Variants in ZNF577 observed in about 807,000 individuals in gnomAD.
ZNF577 encodes zinc finger protein 577.
A neutral mutation model predicts 13.9 loss-of-function variants in ZNF577; 14 were observed. That is an observed-to-expected ratio of 1.00 (90% CI 0.66 to 1.57). The LOEUF (loss-of-function observed/expected upper bound fraction) is 1.57. Among genes scored for constraint, ZNF577 ranks in the 40% most tolerant of loss-of-function variants. ZNF577 has a pLI of 0.00. For synonymous variants in ZNF577, 203 were observed against 202.9 expected (o/e 1.00, Z 0.00); for missense variants, 555 against 579.2 (o/e 0.96, Z 0.43).
At chr19:51,826,628 G>A (rs1430798303) in intron 9 of ZNF577, among the ~76,000 whole-genome samples, 1 of 152,212 alleles carries the variant, frequency 6.6e-6, no homozygotes, top group African/African-American at 2.4e-5. Context: ...CCAGTTTACT[G>A]AGACTGTAGT....
rs1393588012 is a variant in ZNF577 at position 51,887,882 on chromosome 19, CT to C, written c.-1281del. ...TGGAGGCGAGTCAGGGACCCGAAGT[CT>C]CTAAACACTCGCCTCTACCCGCCGC... On this transcript the variant is annotated 5_prime_UTR_variant, in exon 1 of 6. Coordinates refer to ENST00000638348, the MANE Select transcript of ZNF577 (RefSeq NM_001370449.1). 3.9e-5 allele frequency: 6 copies of C among 152,284 alleles called. No homozygotes were observed. Among genetic ancestry groups the C allele is most frequent in the South Asian group, 2.1e-4 (1 of 4,836 alleles). The allele number at this position is 152,284 out of a possible 1,614,324, so 9.4% of individuals were successfully genotyped here.
rs1293664754 is a variant in ZNF577 at position 51,869,329 on chromosome 19, C to T, written c.*3203G>A. 6.6e-6 allele frequency among the ~76,000 whole-genome samples: 1 copy of T among 152,202 alleles called. No individual in the cohort carries two copies. The highest frequency in any genetic ancestry group is 1.5e-5 in the Non-Finnish European group (1 of 68,034). On this transcript the variant is annotated 3_prime_UTR_variant, in exon 6 of 6. Transcript: ENST00000638348. ...ATGCTGGCAGCGATACTGTTCTTTA[C>T]TGCACTGAGATATTTGTGTAAAGTC...
At chr19:51,880,469 A>G in intron 2 of ZNF577, 68 bp from the exon 3 acceptor site, 1 of 1,365,292 alleles carries the variant, frequency 7.3e-7, no homozygotes, top group Admixed American at 1.7e-5. Context: ...TCACTTAGCT[A>G]TGTTCCGACA....
chr19:51,852,883 GGCTA>G (rs1471301691), intron 5 of ZNF577, among the ~76,000 whole-genome samples: 4 of 151,936 alleles, frequency 2.6e-5, no homozygotes, highest in Non-Finnish European at 4.4e-5. Context: ...GTCTTTACAT[GGCTA>G]GCTGTCAGGT....
intron 5 of ZNF577, among the ~76,000 whole-genome samples, chr19:51,857,344 AAG>A (rs1331600561): frequency 6.9e-6 from 1 of 145,930 alleles, no homozygotes; most frequent in Non-Finnish European, 1.5e-5. Flanking sequence ...GAGAGAAAGA[AAG>A]AGAGAAAGAA....
intron 4 of ZNF577, chr19:51,878,110 G>T: frequency 4.9e-6 from 1 of 204,710 alleles, no homozygotes; most frequent in Non-Finnish European, 1.0e-5. Context: ...GGGGAGAAGT[G>T]GGGGAATGAG....
At chr19:51,818,208 A>G (rs1305089758) in intron 9 of ZNF577, among the ~76,000 whole-genome samples, 1 of 152,216 alleles carries the variant, frequency 6.6e-6, no homozygotes, top group East Asian at 1.9e-4. Context: ...CTTAGTATGA[A>G]AAAAGAACGC....
rs2084613446 is a variant in ZNF577 at position 51,869,105 on chromosome 19, ACCGTCC to A, written c.*3421_*3426del. Among the ~76,000 whole-genome samples the A allele has an allele frequency of 2.6e-5, 4 of 152,232 alleles. No individual in the cohort carries two copies. The East Asian group carries it at 7.7e-4, about 29-fold the overall frequency. ...GGCCTCGTGGGAAGGGAAAGACCTG[ACCGTCC>A]CCAAGCCCGATACCCATAAAGGGTC... On this transcript the variant is annotated 3_prime_UTR_variant, in exon 6 of 6. Coordinates refer to ENST00000638348, the MANE Select transcript of ZNF577 (RefSeq NM_001370449.1).
At chr19:51,818,158 G>A (rs1427669399) in intron 9 of ZNF577, among the ~76,000 whole-genome samples, 2 of 152,068 alleles carry the variant, frequency 1.3e-5, no homozygotes, top group Non-Finnish European at 2.9e-5. Flanking sequence ...TTAACCTTAA[G>A]TGTGCTATAA....
At chr19:51,853,170 C>A (rs1317830818) in intron 5 of ZNF577, among the ~76,000 whole-genome samples, 2 of 152,204 alleles carry the variant, frequency 1.3e-5, no homozygotes, top group Non-Finnish European at 2.9e-5. Flanking sequence ...CTCCTGAGCT[C>A]AAATGATCTG....
At chr19:51,866,263 C>G (rs893622479), downstream of ZNF577, among the ~76,000 whole-genome samples, 3 of 151,744 alleles carry the variant, frequency 2.0e-5, no homozygotes, top group African/African-American at 7.3e-5. Context: ...ACTTTCAGCT[C>G]GGCAGATTCA....
downstream of ZNF577, among the ~76,000 whole-genome samples, chr19:51,863,917 T>C (rs1357094445): frequency 6.6e-5 from 10 of 152,268 alleles, no homozygotes; most frequent in African/African-American, 2.2e-4. Context: ...ACCAAAACAT[T>C]TTTCATTAAT....
At chr19:51,816,137 G>A (rs186044825) in intron 9 of ZNF577, among the ~76,000 whole-genome samples, 20 of 151,970 alleles carry the variant, frequency 1.3e-4, no homozygotes, top group East Asian at 3.9e-4. Flanking sequence ...AAGAGGTGCC[G>A]GAAGGCTGAG....
At chr19:51,821,783 A>G (rs1399627293) in intron 9 of ZNF577, among the ~76,000 whole-genome samples, 1 of 152,030 alleles carries the variant, frequency 6.6e-6, no homozygotes, top group Non-Finnish European at 1.5e-5. Context: ...ATGCTGAAAA[A>G]AAAAAACCTA....
At position 51,868,327 on chromosome 19, in the gene ZNF577, G is replaced by T. The variant is rs143320083; in HGVS notation, c.*4205C>A. Among the ~76,000 whole-genome samples the T allele has an allele frequency of 1.3e-5, 2 of 152,144 alleles. No homozygotes were observed. The highest frequency in any genetic ancestry group is 4.8e-5 in the African/African-American group (2 of 41,424). ...CACACCTAAAAAAGTTTCATCTGGG[G>T]TGTAAAAGGAGAAAGTCAGCAGAGT... is the stretch of plus-strand genomic sequence containing the variant. On this transcript the variant is annotated 3_prime_UTR_variant, in exon 6 of 6. Coordinates refer to ENST00000638348, the MANE Select transcript of ZNF577 (RefSeq NM_001370449.1).
intron 9 of ZNF577, chr19:51,826,159 G>T (rs2084230921): frequency 6.6e-6 from 1 of 152,302 alleles, no homozygotes; most frequent in African/African-American, 2.4e-5. Context: ...AGCTACCCTT[G>T]CATTTATGAA....
intron 5 of ZNF577, among the ~76,000 whole-genome samples, chr19:51,847,519 A>T (rs2084358979): frequency 1.3e-5 from 2 of 151,936 alleles, no homozygotes; most frequent in African/African-American, 4.8e-5. Context: ...CGCCGACCAC[A>T]TCCTGACGGC....
At chr19:51,828,384 G>A (rs964896988) in intron 9 of ZNF577, among the ~76,000 whole-genome samples, 6 of 150,888 alleles carry the variant, frequency 4.0e-5, no homozygotes, top group Admixed American at 1.3e-4. Flanking sequence ...AAAAAAAGGA[G>A]AAGAAAAAGA....
intron 9 of ZNF577, among the ~76,000 whole-genome samples, chr19:51,827,191 T>C (rs2084236542): frequency 6.6e-6 from 1 of 152,208 alleles, no homozygotes; most frequent in Non-Finnish European, 1.5e-5. Context: ...AGGCCTACTA[T>C]CATCCTTGCT....
Sources: gnomAD v4.1 joint callset for allele counts (sites outside exome capture counted in the v4.1 genomes callset) on GRCh38, gnomAD v4.1.1 for gene constraint, MANE v1.5 for transcripts, NCBI Gene and HGNC (gene_info 2026-07-23, HGNC 2026-07-21) for gene names.